SEC16A: variants seen among roughly 807,000 people sequenced by gnomAD.
SEC16A encodes protein transport protein Sec16A.
Under a neutral mutation model 221.9 loss-of-function variants are expected in SEC16A, and 110 were observed. The ratio of observed to expected loss-of-function variants is 0.50; its 90% CI spans 0.42 to 0.58. The LOEUF is 0.58. SEC16A is among the 20% of genes least tolerant of loss of function. The pLI is 0.00. For synonymous variants in SEC16A, 1,393 were observed against 1,257.7 expected (o/e 1.11, Z -2.28); for missense variants, 3,165 against 3,097.8 (o/e 1.02, Z -0.52).
chr9:136,456,774 G>A (rs771345767), intron 18 of SEC16A, among the ~76,000 whole-genome samples: 3 of 152,222 alleles, frequency 2.0e-5, no homozygotes, highest in East Asian at 1.9e-4. Flanking sequence ...TTTTACAGGC[G>A]AAGAAACTGA....
chr9:136,453,887 C>T (rs1195563218), intron 21 of SEC16A, among the ~76,000 whole-genome samples: 2 of 152,202 alleles, frequency 1.3e-5, no homozygotes, highest in African/African-American at 4.8e-5. Flanking sequence ...ATTTAAGCTT[C>T]ACAACAAAAA....
At chr9:136,471,868 C>T in intron 4 of SEC16A, 107 bp downstream of exon 4, 1 of 1,318,412 alleles carries the variant, frequency 7.6e-7, no homozygotes, top group Admixed American at 1.9e-5. Context: ...TTGTACAATT[C>T]TTCAGAAATA....
chr9:136,476,365 G>A lies in SEC16A; in HGVS notation c.1251C>T (p.His417=), dbSNP rs201580918. ...PGLGRPPAPT[H]VGAGSLCQAL... ...CCTGGCAGAGGCTGCCTGCCCCCAC[G>A]TGTGTAGGTGCGGGCGGACGGCCTA... Residue 417 remains histidine (H), a synonymous_variant, in exon 3 of 32, where the codon CAC becomes CAT. Coordinates refer to ENST00000684901, the MANE Select transcript of SEC16A (RefSeq NM_014866.2). 1.3e-4 allele frequency: 216 copies of A among 1,612,692 alleles called. No individual in the cohort carries two copies. Among genetic ancestry groups the A allele is most frequent in the East Asian group, 1.6e-4 (7 of 44,900 alleles).
intron 12 of SEC16A, 68 bp from the exon 13 acceptor site, chr9:136,461,342 GC>G: frequency 8.8e-7 from 1 of 1,141,042 alleles, no homozygotes; most frequent in Non-Finnish European, 1.3e-6. Flanking sequence ...GTCAAGACAG[GC>G]CATGTGTCCT....
intron 2 of SEC16A, among the ~76,000 whole-genome samples, chr9:136,478,235 T>G (rs1841900860): frequency 6.6e-6 from 1 of 152,024 alleles, no homozygotes; most frequent in South Asian, 2.1e-4. Flanking sequence ...GGATCTCGTT[T>G]CTACAAAAAA....
chr9:136,456,907 C>T (rs1220170489), intron 18 of SEC16A, among the ~76,000 whole-genome samples: 1 of 152,228 alleles, frequency 6.6e-6, no homozygotes, highest in Admixed American at 6.5e-5. Context: ...GTGGCTCACG[C>T]CTGTAATCCC....
rs965461531 is a variant in SEC16A, at chr9:136,466,802, G to A, written c.3929+155C>T. Among the ~76,000 whole-genome samples the A allele has an allele frequency of 8.5e-5, 13 of 152,208 alleles. No homozygotes were observed. Among genetic ancestry groups the A allele is most frequent in the Non-Finnish European group, 1.3e-4 (9 of 68,038 alleles). ...CAAGCTGGGAACCCTGGGAGGGTCT[G>A]CTCCCTCCTTCCTTTCAGACAGGGA... is the stretch of plus-strand genomic sequence containing the variant. On this transcript the variant is annotated intron_variant, in intron 6 of 31. Coordinates refer to ENST00000684901, the MANE Select transcript of SEC16A (RefSeq NM_014866.2). This position sits in a 1 kb window ranked among gnomAD's most constrained non-coding sequence, Gnocchi z 5.5.
At chr9:136,484,444 C>T (rs1456510973), upstream of SEC16A, 2 of 1,202,818 alleles carry the variant, frequency 1.7e-6, no homozygotes, top group Non-Finnish European at 2.1e-6. Context: ...AGGAAGCGGC[C>T]AGCCATGCCG....
At position 136,476,918 on chromosome 9, in the gene SEC16A, G is replaced by A. The variant is rs969871585; in HGVS notation, c.698C>T (p.Pro233Leu). 6.2e-7 allele frequency: 1 copy of A among 1,611,968 alleles called. No individual in the cohort carries two copies. Among genetic ancestry groups the A allele is most frequent in the Non-Finnish European group, 8.5e-7 (1 of 1,179,560 alleles). Residue 233 changes from proline (P) to leucine (L), a missense_variant, in exon 3 of 32, where the codon CCT becomes CTT. Transcript: ENST00000684901. ...CACCCCGCTGGGAACAGGTCCTTCA[G>A]GGCAGGGTGAACGATGTTGCCCCGA... Reference protein sequence around the residue: ...QPSGQHRSPCPEGPVPSGVPC... With the variant: ...QPSGQHRSPCLEGPVPSGVPC...
intron 30 of SEC16A, among the ~76,000 whole-genome samples, chr9:136,444,600 C>T (rs1836683743): frequency 1.3e-5 from 2 of 152,126 alleles, no homozygotes; most frequent in Non-Finnish European, 2.9e-5. Context: ...AGCAAAACCC[C>T]CTTTAAGGCC....
Position 136,466,726 on chromosome 9 carries a change from C to T in SEC16A, c.3929+231G>A, listed in dbSNP as rs754704961. On this transcript the variant is annotated intron_variant, in intron 6 of 31. Coordinates refer to ENST00000684901, the MANE Select transcript of SEC16A (RefSeq NM_014866.2). The surrounding 1 kb of genome is among the most constrained non-coding windows in gnomAD (Gnocchi z 5.5). ...AGTGAGCCCAATCTCCCAGGTGCTC[C>T]CAGAGGTGCTGAACAGTCCTCTTGC... Among the ~76,000 whole-genome samples the T allele has an allele frequency of 6.6e-6, 1 of 152,188 alleles. No homozygotes were observed. The highest frequency in any genetic ancestry group is 1.5e-5 in the Non-Finnish European group (1 of 68,028).
chr9:136,459,156 G>A lies in SEC16A; in HGVS notation c.5387C>T (p.Thr1796Ile), dbSNP rs747140400. 1 of 1,611,972 alleles carries A rather than the reference G, an allele frequency of 6.2e-7. No homozygotes were observed. Among genetic ancestry groups the A allele is most frequent in the African/African-American group, 1.3e-5 (1 of 74,884 alleles). Reference sequence around the variant, plus strand: ...TACCTGGAAACTAGGCAGGGGGCAGGTCTCGGCACCCAGGGACTGGGCGTA... The same window carrying A: ...TACCTGGAAACTAGGCAGGGGGCAGATCTCGGCACCCAGGGACTGGGCGTA... ...YEYAQSLGAE[T>I]CPLPSFQVFK... The change falls in exon 17 of 32, where the codon ACC becomes ATC. Residue 1796 changes from threonine to isoleucine, a missense_variant. Thr to Ile is a moderately conservative substitution (Grantham distance 89). Transcript: ENST00000684901. This position sits in a 1 kb window ranked among gnomAD's most constrained non-coding sequence, Gnocchi z 6.1.
At position 136,457,405 on chromosome 9, in the gene SEC16A, T is replaced by G. The variant is rs748773198; in HGVS notation, c.5550+39A>C. 3.2e-6 allele frequency: 5 copies of G among 1,565,202 alleles called. No homozygotes were observed. The South Asian group carries it at 5.8e-5, about 18-fold the overall frequency. ...TCTGGCAAGCCCTCCTTCCCTGCAG[T>G]CAGCACAGCATCCCGAGGACAGGCG... On this transcript the variant is annotated intron_variant, in intron 18 of 31. Transcript: ENST00000684901.
intron 30 of SEC16A, 61 bp downstream of exon 30, chr9:136,444,991 T>C: frequency 6.7e-7 from 1 of 1,490,196 alleles, no homozygotes; most frequent in Non-Finnish European, 9.2e-7. Context: ...CACCGCGTGC[T>C]CAGGAACACA....
chr9:136,450,993 G>A (rs544427543), intron 23 of SEC16A, among the ~76,000 whole-genome samples: 11 of 152,312 alleles, frequency 7.2e-5, no homozygotes, highest in East Asian at 3.9e-4. Context: ...GGTCCCTTGC[G>A]GGTGGGTCTG....
At position 136,463,665 on chromosome 9, in the gene SEC16A, A is replaced by G. The variant is rs748923530; in HGVS notation, c.4508+14T>C. 4 of 1,613,412 alleles carry G rather than the reference A, an allele frequency of 2.5e-6. No individual in the cohort carries two copies. Among genetic ancestry groups the G allele is most frequent in the East Asian group, 4.5e-5 (2 of 44,892 alleles). On this transcript the variant is annotated intron_variant, in intron 10 of 31. Transcript: ENST00000684901. ...GGCCGGGCTCACAAAGAAATGCCTCAACAAGGAACATACTTGGCCAGGGGT... is the reference window on the plus strand; with the variant it reads ...GGCCGGGCTCACAAAGAAATGCCTCGACAAGGAACATACTTGGCCAGGGGT...
intron 1 of SEC16A, among the ~76,000 whole-genome samples, chr9:136,481,781 G>A (rs1279044695): frequency 6.6e-6 from 1 of 152,136 alleles, no homozygotes; most frequent in Non-Finnish European, 1.5e-5. Flanking sequence ...TTGACACAAA[G>A]ACATGATCAA....
In SEC16A at chr9:136,455,916, T is replaced by TG. The variant is rs938464916; in HGVS notation, c.5665-124dup. ...GACAGGAGGCACTCAAAGCCCTTTC[T>TG]GGGGAATTAGGGAATTCTCATAGGC... On this transcript the variant is annotated intron_variant, in intron 19 of 31. Transcript: ENST00000684901. The TG allele has an allele frequency of 1.6e-5, 20 of 1,216,962 alleles. No individual in the cohort carries two copies. The Admixed American group carries it at 4.0e-4, about 24-fold the overall frequency. 75.4% of individuals were successfully genotyped at this position (1,216,962 alleles called of 1,614,324 possible).
At chr9:136,483,746 G>A (rs193144542), upstream of SEC16A, 38 of 985,480 alleles carry the variant, frequency 3.9e-5, no homozygotes, top group African/African-American at 6.3e-4. Flanking sequence ...CCCTGACGCG[G>A]GCGCGCTCCT....
Sources: gnomAD v4.1 joint callset for allele counts (sites outside exome capture counted in the v4.1 genomes callset) on GRCh38, gnomAD v4.1.1 for gene constraint, Gnocchi (gnomAD v3.1) non-coding constraint, MANE v1.5 for transcripts, NCBI Gene and HGNC (gene_info 2026-07-23, HGNC 2026-07-21) for gene names.